BLTP1: variants seen among roughly 807,000 people sequenced by gnomAD.
BLTP1 encodes the protein bridge-like lipid transfer protein family member 1.
the BLTP1 span, chr4:122,243,187 A>G: frequency 1.9e-6 from 2 of 1,058,388 alleles, no homozygotes; most frequent in South Asian, 2.0e-5. Context: ...ATAAATTACC[A>G]AAATAATTCA....
At chr4:122,323,121 T>C in the BLTP1 span, among the ~76,000 whole-genome samples, 1 of 152,104 alleles carries the variant, frequency 6.6e-6, no homozygotes, top group Non-Finnish European at 1.5e-5. Context: ...TCAATTACAG[T>C]TCAGGTGTTC....
chr4:122,206,400 T>C, the BLTP1 span, among the ~76,000 whole-genome samples: 1 of 151,844 alleles, frequency 6.6e-6, no homozygotes, highest in Non-Finnish European at 1.5e-5. Context: ...GTGAAATAGG[T>C]AGTCAAGCAT....
At chr4:122,243,904 A>G in the BLTP1 span, 1 of 1,608,274 alleles carries the variant, frequency 6.2e-7, no homozygotes, top group Admixed American at 1.7e-5. Context: ...ACAGATGATG[A>G]AACATTAACA....
chr4:122,186,952 A>T, the BLTP1 span: 3 of 922,686 alleles, frequency 3.3e-6, no homozygotes, highest in Non-Finnish European at 3.9e-6. Flanking sequence ...ATTAAGGGAA[A>T]ATTAATTTGG....
At chr4:122,356,739 TAAAGAA>T in the BLTP1 span, 9 of 1,610,854 alleles carry the variant, frequency 5.6e-6, no homozygotes, top group African/African-American at 6.7e-5. Context: ...CAGCTTATCT[TAAAGAA>T]AAAGAAAAAG....
the BLTP1 span, chr4:122,234,829 G>A: frequency 6.2e-7 from 1 of 1,613,340 alleles, no homozygotes; most frequent in Non-Finnish European, 8.5e-7. Flanking sequence ...AGAAACAAAT[G>A]TGGTTGTCTC....
the BLTP1 span, among the ~76,000 whole-genome samples, chr4:122,283,939 T>C: frequency 2.6e-5 from 4 of 152,222 alleles, no homozygotes; most frequent in Admixed American, 2.6e-4. Context: ...TTCCTATCCT[T>C]GAGTAAGTCT....
the BLTP1 span, chr4:122,238,080 T>C: frequency 1.2e-6 from 2 of 1,612,088 alleles, no homozygotes; most frequent in Non-Finnish European, 1.7e-6. Context: ...AACCCACCTT[T>C]TGTTTGTTTA....
At chr4:122,304,824 A>G in the BLTP1 span, 8 of 1,613,796 alleles carry the variant, frequency 5.0e-6, no homozygotes, top group Admixed American at 1.7e-5. Flanking sequence ...CCACTACTCC[A>G]TCAATGAGAG....
the BLTP1 span, chr4:122,325,935 T>C: frequency 1.2e-6 from 1 of 843,812 alleles, no homozygotes; most frequent in Admixed American, 2.9e-5. Flanking sequence ...CTAAGAACAA[T>C]ATAAATTTTG....
chr4:122,327,566 T>C, the BLTP1 span, among the ~76,000 whole-genome samples: 1 of 151,720 alleles, frequency 6.6e-6, no homozygotes, highest in Non-Finnish European at 1.5e-5. Context: ...ATTACTCGGC[T>C]ATTTGCACAT....
chr4:122,314,026 A>G, the BLTP1 span: 1 of 957,426 alleles, frequency 1.0e-6, no homozygotes, highest in Non-Finnish European at 1.2e-6. Flanking sequence ...TGTACAATAA[A>G]ACATAAAATT....
the BLTP1 span, among the ~76,000 whole-genome samples, chr4:122,337,439 T>A: frequency 6.6e-6 from 1 of 152,052 alleles, no homozygotes; most frequent in Non-Finnish European, 1.5e-5. Flanking sequence ...GTACTGAAAG[T>A]GAAATGCAGA....
chr4:122,223,170 T>C, the BLTP1 span: 9 of 971,536 alleles, frequency 9.3e-6, no homozygotes, highest in Non-Finnish European at 1.1e-5. Flanking sequence ...GAAGAGCTTC[T>C]AGAGTGATTA....
the BLTP1 span, among the ~76,000 whole-genome samples, chr4:122,253,095 A>G: frequency 0.064 from 9,774 of 152,260 alleles, 885 homozygotes; most frequent in African/African-American, 0.2. Context: ...AGGGCTTGGG[A>G]TGCCCCCTAA....
At chr4:122,258,831 A>AT in the BLTP1 span, 1 of 1,608,684 alleles carries the variant, frequency 6.2e-7, no homozygotes, top group Non-Finnish European at 8.5e-7. Flanking sequence ...GTGACTCTGC[A>AT]TTAAAAATAA....
chr4:122,216,581 A>G, the BLTP1 span, among the ~76,000 whole-genome samples: 1 of 152,110 alleles, frequency 6.6e-6, no homozygotes, highest in Non-Finnish European at 1.5e-5. Flanking sequence ...ATGTCTATTC[A>G]TGTACTTTGC....
At chr4:122,189,647 T>G in the BLTP1 span, 1 of 923,078 alleles carries the variant, frequency 1.1e-6, no homozygotes, top group Non-Finnish European at 1.3e-6. Flanking sequence ...CATTCCATTG[T>G]ATTTAAACTT....
chr4:122,318,115 T>C, the BLTP1 span: 2 of 1,579,466 alleles, frequency 1.3e-6, no homozygotes, highest in South Asian at 2.4e-5. Context: ...GTTATTTATT[T>C]ACAATAATTG....
Sources: allele counts gnomAD v4.1 joint callset (sites outside exome capture counted in the v4.1 genomes callset), GRCh38; gene constraint gnomAD v4.1.1; transcripts MANE v1.5; gene names NCBI Gene and HGNC (gene_info 2026-07-23, HGNC 2026-07-21).